The following RBFOX1 variants were observed in gnomAD, a reference collection of about 807,000 sequenced individuals.
The protein encoded by RBFOX1 is RNA binding protein fox-1 homolog 1.
In RBFOX1, 8 loss-of-function variants were observed where a neutral mutation model predicts 57.7. The ratio of observed to expected loss-of-function variants is 0.14; its 90% CI spans 0.08 to 0.25. The LOEUF (loss-of-function observed/expected upper bound fraction) is 0.25, where lower values mean the gene tolerates loss of function less well. Ranked by LOEUF, RBFOX1 falls within the 10% of genes least tolerant of loss-of-function variation. RBFOX1 has a pLI of 1.00. For synonymous variants in RBFOX1, 326 were observed against 222.4 expected, an observed-to-expected ratio of 1.47 and a Z score of -4.15; for missense variants, 611 against 548.5, an observed-to-expected ratio of 1.11 and a Z score of -1.14.
chr16:7,419,714 T>C (rs1451852682), intron 4 of RBFOX1, among the ~76,000 whole-genome samples: 1 of 152,190 alleles, frequency 6.6e-6, no homozygotes, highest in Non-Finnish European at 1.5e-5. Flanking sequence ...CTGTTTTGTC[T>C]GTTTACCTCT....
intron 3 of RBFOX1, among the ~76,000 whole-genome samples, chr16:7,011,359 C>T (rs371137738): frequency 6.6e-6 from 1 of 152,148 alleles, no homozygotes; most frequent in Admixed American, 6.6e-5. Flanking sequence ...TTGCCAAGGT[C>T]TTAAAGAGTG....
At position 6,556,368 on chromosome 16, in the gene RBFOX1, G is replaced by A. The variant is rs186714024; in HGVS notation, c.-63-98235G>A. 2.3e-3 allele frequency among the ~76,000 whole-genome samples: 352 copies of A among 152,186 alleles called. 2 individuals carry two copies. The highest frequency in any genetic ancestry group is 0.014 in the Middle Eastern group (4 of 294). On this transcript the variant is annotated intron_variant, in intron 2 of 15. Coordinates refer to ENST00000550418, the MANE Select transcript of RBFOX1 (RefSeq NM_018723.4). ...TACCAGATGTTGTTCAAACTGTGCC[G>A]GCTCTCCTTTTATTCTGATGATGGC...
At chr16:5,614,185 T>A (rs1264219226) in intron 3 of RBFOX1, among the ~76,000 whole-genome samples, 1 of 152,180 alleles carries the variant, frequency 6.6e-6, no homozygotes, top group Non-Finnish European at 1.5e-5. Flanking sequence ...TCCTGTCACG[T>A]ACAGCCTGAG....
intron 3 of RBFOX1, among the ~76,000 whole-genome samples, chr16:6,857,055 C>G (rs1170373185): frequency 6.6e-6 from 1 of 152,154 alleles, no homozygotes; most frequent in African/African-American, 2.4e-5. Context: ...AACCCCACAT[C>G]ATTGCTGGCT....
chr16:6,585,751 G>C (rs1250337284), intron 2 of RBFOX1, among the ~76,000 whole-genome samples: 1 of 151,468 alleles, frequency 6.6e-6, no homozygotes, highest in Admixed American at 6.6e-5. Context: ...GTGTACCTTT[G>C]CTGGTCATCA....
chr16:6,504,312 C>T (rs986453925), intron 2 of RBFOX1, among the ~76,000 whole-genome samples: 1 of 152,334 alleles, frequency 6.6e-6, no homozygotes, highest in South Asian at 2.1e-4. Context: ...CCAGTGCATC[C>T]AGCTTCAACT....
intron 4 of RBFOX1, chr16:7,126,782 A>C (rs890614507): frequency 1.7e-4 from 26 of 151,978 alleles, no homozygotes. Context: ...TGAGGTTGGG[A>C]GTTTGAGATC....
intron 4 of RBFOX1, among the ~76,000 whole-genome samples, chr16:7,105,184 T>A (rs939534924): frequency 6.6e-6 from 1 of 152,044 alleles, no homozygotes; most frequent in Non-Finnish European, 1.5e-5. Context: ...CATTAACCAG[T>A]CACATTGGCT....
At chr16:6,561,441 A>G (rs758719465) in intron 2 of RBFOX1, among the ~76,000 whole-genome samples, 1 of 152,252 alleles carries the variant, frequency 6.6e-6, no homozygotes, top group Non-Finnish European at 1.5e-5. Flanking sequence ...GTATTTACCC[A>G]ATAGGCTGTA....
intron 3 of RBFOX1, among the ~76,000 whole-genome samples, chr16:6,890,986 T>G (rs1234532197): frequency 6.6e-6 from 1 of 152,220 alleles, no homozygotes; most frequent in East Asian, 1.9e-4. Context: ...CCTGGTTCTT[T>G]GTGTCTCAGA....
chr16:7,064,187 G>A (rs1236445500), intron 4 of RBFOX1, among the ~76,000 whole-genome samples: 6 of 130,768 alleles, frequency 4.6e-5, no homozygotes, highest in Admixed American at 1.6e-4. Flanking sequence ...TTTTTTTTCT[G>A]AGGTGGAGTC....
At chr16:6,701,135 ATGTG>A (rs111800744) in intron 3 of RBFOX1, among the ~76,000 whole-genome samples, 2 of 149,112 alleles carry the variant, frequency 1.3e-5, no homozygotes, top group African/African-American at 4.9e-5. Flanking sequence ...CTGTGTGTGT[ATGTG>A]TGTGTGTGTG....
intron 1 of RBFOX1, among the ~76,000 whole-genome samples, chr16:6,033,453 C>A (rs1156246551): frequency 1.3e-5 from 2 of 152,212 alleles, no homozygotes; most frequent in African/African-American, 2.4e-5. Flanking sequence ...TGCACCCTTT[C>A]ATATATATTT....
At chr16:6,997,152 T>A (rs978523155) in intron 3 of RBFOX1, among the ~76,000 whole-genome samples, 1 of 152,158 alleles carries the variant, frequency 6.6e-6, no homozygotes, top group African/African-American at 2.4e-5. Flanking sequence ...GTCTTTTCTG[T>A]TAGCTGAAAT....
chr16:6,495,503 G>C (rs2095746262), intron 2 of RBFOX1, among the ~76,000 whole-genome samples: 1 of 152,148 alleles, frequency 6.6e-6, no homozygotes, highest in African/African-American at 2.4e-5. Flanking sequence ...GGCTGAGACA[G>C]TAATATTCAT....
chr16:6,932,505 A>G (rs1480850691), intron 3 of RBFOX1, among the ~76,000 whole-genome samples: 1 of 152,142 alleles, frequency 6.6e-6, no homozygotes, highest in Non-Finnish European at 1.5e-5. Context: ...TTCTTGATGG[A>G]TTACATCCTT....
intron 1 of RBFOX1, among the ~76,000 whole-genome samples, chr16:6,110,686 G>T (rs2096436080): frequency 6.6e-6 from 1 of 152,172 alleles, no homozygotes; most frequent in South Asian, 2.1e-4. Context: ...TATCATCTCA[G>T]TCCTCAAGAA....
In RBFOX1 at chr16:6,924,411, G is replaced by C. The variant is rs141494707; in HGVS notation, c.-15-127646G>C. 9.0e-3 allele frequency among the ~76,000 whole-genome samples: 1,370 copies of C among 151,960 alleles called. 22 individuals are homozygous for C. Among genetic ancestry groups the C allele is most frequent in the African/African-American group, 0.031 (1,289 of 41,462 alleles). ...AGCCTCCTTTAAACAACCAGATCTC[G>C]TGTGAACTAACAGAGTGAGTGCTCA... On this transcript the variant is annotated intron_variant, in intron 3 of 15. Coordinates refer to ENST00000550418, the MANE Select transcript of RBFOX1 (RefSeq NM_018723.4).
intron 4 of RBFOX1, among the ~76,000 whole-genome samples, chr16:7,175,700 C>G (rs777618325): frequency 6.6e-6 from 1 of 152,198 alleles, no homozygotes; most frequent in African/African-American, 2.4e-5. Context: ...TCAAGCTTCC[C>G]GAGGTTACCT....
Sources: allele counts gnomAD v4.1 joint callset (sites outside exome capture counted in the v4.1 genomes callset), GRCh38; gene constraint gnomAD v4.1.1; transcripts MANE v1.5; gene names NCBI Gene and HGNC (gene_info 2026-07-23, HGNC 2026-07-21).